Variants in PLCB4 observed in about 807,000 individuals in gnomAD.
PLCB4 encodes the protein phospholipase C beta 4, also known as 1-phosphatidylinositol 4,5-bisphosphate phosphodiesterase beta-4.
Under a neutral mutation model 178.8 loss-of-function variants are expected in PLCB4, and 77 were observed. The observed-to-expected ratio is 0.43, with a 90% CI of 0.36 to 0.52. The LOEUF (loss-of-function observed/expected upper bound fraction) is 0.52, where lower values mean the gene tolerates loss of function less well. Among genes scored for constraint, PLCB4 ranks in the 20% least tolerant of loss-of-function variants. PLCB4 has a pLI of 0.00. For synonymous variants in PLCB4, 496 were observed against 490.8 expected (o/e 1.01, Z -0.14); for missense variants, 1,024 against 1,453.4 (o/e 0.70, Z 4.80).
intron 1 of PLCB4, among the ~76,000 whole-genome samples, chr20:9,074,832 A>ATTTTTTT (rs549956475): frequency 2.3e-5 from 3 of 131,210 alleles, no homozygotes; most frequent in African/African-American, 8.6e-5. Context: ...AAAACAAAAC[A>ATTTTTTT]AAACAAAACA....
At chr20:9,138,787 C>T (rs963411590) in intron 2 of PLCB4, among the ~76,000 whole-genome samples, 4 of 152,072 alleles carry the variant, frequency 2.6e-5, no homozygotes, top group African/African-American at 9.7e-5. Context: ...CTTAAGGGGT[C>T]AGCAGTCTTG....
intron 7 of PLCB4, among the ~76,000 whole-genome samples, chr20:9,355,481 C>T (rs8116757): frequency 0.14 from 20,492 of 151,206 alleles, 2,322 homozygotes; most frequent in African/African-American, 0.32. Context: ...AGTGTGATGT[C>T]CCCCTTCCTG....
chr20:9,257,960 A>G (rs1441792921), intron 3 of PLCB4, among the ~76,000 whole-genome samples: 2 of 152,208 alleles, frequency 1.3e-5, no homozygotes, highest in Non-Finnish European at 2.9e-5. Context: ...TAAAAACAGC[A>G]TATTAGCTGA....
chr20:9,087,913 C>T lies in PLCB4; in HGVS notation c.-134-8374C>T, dbSNP rs546998908. On this transcript the variant is annotated intron_variant, in intron 1 of 39. Coordinates refer to ENST00000378473, the MANE Select transcript of PLCB4 (RefSeq NM_001377142.1). ...TCCAGGCAGCCCACTCAGATGGAGG[C>T]TTTTCAGGATCATTCAAACATGACA... 3.3e-5 allele frequency among the ~76,000 whole-genome samples: 5 copies of T among 152,304 alleles called. No individual in the cohort carries two copies. The South Asian group carries it at 1.0e-3, about 32-fold the overall frequency.
chr20:9,092,236 C>G (rs914447700), intron 1 of PLCB4, among the ~76,000 whole-genome samples: 3 of 152,162 alleles, frequency 2.0e-5, no homozygotes, highest in Admixed American at 2.0e-4. Flanking sequence ...ACTGGAATAG[C>G]ATTGCTGTCT....
chr20:9,069,445 A>G (rs974048237), intron 1 of PLCB4, among the ~76,000 whole-genome samples: 1 of 152,122 alleles, frequency 6.6e-6, no homozygotes, highest in Admixed American at 6.5e-5. Flanking sequence ...GACTCTCTCC[A>G]GACGTTCACC....
intron 2 of PLCB4, among the ~76,000 whole-genome samples, chr20:9,148,519 C>T (rs1411628770): frequency 6.6e-6 from 1 of 151,394 alleles, no homozygotes; most frequent in African/African-American, 2.4e-5. Flanking sequence ...ATTTTTTTTT[C>T]TCCTGTCTCT....
At chr20:9,459,494 T>G in intron 34 of PLCB4, 141 bp from the exon 35 acceptor site, 1 of 510,484 alleles carries the variant, frequency 2.0e-6, no homozygotes, top group Non-Finnish European at 3.5e-6. Context: ...ATACATATTA[T>G]TTTTTGGTGG....
chr20:9,314,812 CA>C (rs950644469), intron 4 of PLCB4, among the ~76,000 whole-genome samples: 7 of 151,930 alleles, frequency 4.6e-5, no homozygotes, highest in Non-Finnish European at 8.8e-5. Flanking sequence ...CCCTCACAGC[CA>C]CAGGCTTCCT....
At chr20:9,478,870 C>G in intron 39 of PLCB4, 51 bp from the exon 40 acceptor site, 1 of 1,363,030 alleles carries the variant, frequency 7.3e-7, no homozygotes, top group South Asian at 1.2e-5. Context: ...TTGTTAAGTG[C>G]CTTCAGATAA....
chr20:9,255,030 T>A (rs2094219009), intron 3 of PLCB4, among the ~76,000 whole-genome samples: 1 of 152,170 alleles, frequency 6.6e-6, no homozygotes, highest in African/African-American at 2.4e-5. Context: ...CAAATAATAA[T>A]AATAAATACA....
chr20:9,406,978 C>T (rs1397463878), intron 21 of PLCB4, among the ~76,000 whole-genome samples: 1 of 152,070 alleles, frequency 6.6e-6, no homozygotes, highest in African/African-American at 2.4e-5. Context: ...AATTTGTTTT[C>T]TTTTTTCTGT....
Position 9,297,155 on chromosome 20 carries a change from G to A in PLCB4, c.-15-10645G>A, listed in dbSNP as rs191380384. 5.6e-3 allele frequency among the ~76,000 whole-genome samples: 841 copies of A among 149,460 alleles called. 9 individuals carry two copies. The highest frequency in any genetic ancestry group is 0.02 in the African/African-American group (804 of 39,482). The stretch of plus-strand genomic sequence containing the variant: ...TCCTTTCCTCAGGCTTCTATAGCCC[G>A]CACCCCCCCCCACACCATATATATA... On this transcript the variant is annotated intron_variant, in intron 3 of 39. Transcript: ENST00000378473.
intron 36 of PLCB4, 95 bp from the exon 37 acceptor site, chr20:9,472,695 C>A: frequency 1.6e-6 from 1 of 619,440 alleles, no homozygotes; most frequent in Non-Finnish European, 2.8e-6. Flanking sequence ...TAATTCCATC[C>A]AGAGAATTTG....
intron 2 of PLCB4, among the ~76,000 whole-genome samples, chr20:9,169,010 G>A (rs576426318): frequency 8.2e-4 from 113 of 138,294 alleles, no homozygotes; most frequent in African/African-American, 3.0e-3. Context: ...AACCACCAAG[G>A]GCTCATCCTC....
chr20:9,416,356 A>G (rs1290424550), intron 25 of PLCB4, among the ~76,000 whole-genome samples: 1 of 152,194 alleles, frequency 6.6e-6, no homozygotes. Flanking sequence ...TCACTTCCCA[A>G]GGAGATTCAG....
chr20:9,462,782 TGTGTTTGATTGGTGTACCCAA>T (rs1475323338), intron 35 of PLCB4, among the ~76,000 whole-genome samples: 1 of 152,122 alleles, frequency 6.6e-6, no homozygotes, highest in Non-Finnish European at 1.5e-5. Context: ...AGACCAAATC[TGTGTTTGATTGGTGTACCCAA>T]AAGTGATGGG....
intron 3 of PLCB4, among the ~76,000 whole-genome samples, chr20:9,225,716 A>AT (rs1338151394): frequency 3.3e-5 from 5 of 152,034 alleles, no homozygotes; most frequent in African/African-American, 9.7e-5. Flanking sequence ...TGAAATATGG[A>AT]TTTTTTCCCC....
chr20:9,123,045 T>C (rs1226404933), intron 2 of PLCB4, among the ~76,000 whole-genome samples: 5 of 151,920 alleles, frequency 3.3e-5, no homozygotes, highest in African/African-American at 4.8e-5. Context: ...ACAATATAGT[T>C]TGGGAAAAAT....
Sources: gnomAD v4.1 joint callset for allele counts (sites outside exome capture counted in the v4.1 genomes callset) on GRCh38, gnomAD v4.1.1 for gene constraint, MANE v1.5 for transcripts, NCBI Gene and HGNC (gene_info 2026-07-23, HGNC 2026-07-21) for gene names.